DNAH6: variants seen among roughly 807,000 people sequenced by gnomAD.
DNAH6 encodes the protein axonemal beta dynein heavy chain 6.
Under a neutral mutation model 491.4 loss-of-function variants are expected in DNAH6, and 340 were observed. The observed-to-expected ratio is 0.69, with a 90% CI of 0.63 to 0.76. The LOEUF (loss-of-function observed/expected upper bound fraction) is 0.76. Among genes scored for constraint, DNAH6 ranks in the 30% least tolerant of loss-of-function variants. The pLI is 0.00. For missense variants in DNAH6, 4,443 were observed against 4,972.2 expected (o/e 0.89, Z 3.20); for synonymous variants, 1,603 against 1,686.1 (o/e 0.95, Z 1.21).
chr2:84,559,732 C>T (rs955696289), intron 11 of DNAH6, among the ~76,000 whole-genome samples: 3 of 151,966 alleles, frequency 2.0e-5, no homozygotes, highest in African/African-American at 7.2e-5. Context: ...TACTAACAGC[C>T]ATGAAGCAAA....
chr2:84,620,503 A>G (rs1687287499), intron 24 of DNAH6, among the ~76,000 whole-genome samples: 1 of 152,160 alleles, frequency 6.6e-6, no homozygotes, highest in Non-Finnish European at 1.5e-5. Context: ...GCACACACAC[A>G]CAAAGTCAAG....
chr2:84,741,929 G>A (rs953082994), intron 62 of DNAH6, among the ~76,000 whole-genome samples: 3 of 152,338 alleles, frequency 2.0e-5, no homozygotes, highest in Middle Eastern at 6.8e-3. Flanking sequence ...GAGCTCCAGG[G>A]ATTTCCCTCT....
At chr2:84,701,415 C>T (rs1031222750) in intron 49 of DNAH6, 76 bp downstream of exon 49, 1 of 1,448,586 alleles carries the variant, frequency 6.9e-7, no homozygotes, top group Non-Finnish European at 9.3e-7. Context: ...AAACTCTATG[C>T]ACTGTCTTAC....
rs949175703 is a variant in DNAH6 at position 84,733,592 on chromosome 2, A to G, written c.10342+13A>G. The G allele has an allele frequency of 2.7e-5, 42 of 1,550,020 alleles. No individual in the cohort carries two copies. In the East Asian group the frequency reaches 1.0e-3, roughly 38 times the overall value. ...TCCATACGCTTAGGTAATGTGACAA[A>G]AAGAACCTGCTGAGGAGGCTTATAA... On this transcript the variant is annotated intron_variant, in intron 62 of 76. Transcript: ENST00000389394.
At chr2:84,779,831 G>A (rs554590559) in intron 64 of DNAH6, among the ~76,000 whole-genome samples, 40 of 152,102 alleles carry the variant, frequency 2.6e-4, no homozygotes, top group African/African-American at 9.6e-4. Context: ...CTAGTCTAGT[G>A]GTAAAGAATT....
chr2:84,775,709 TC>T (rs1676053843), intron 64 of DNAH6, among the ~76,000 whole-genome samples: 1 of 152,190 alleles, frequency 6.6e-6, no homozygotes, highest in South Asian at 2.1e-4. Context: ...GTTCAGGATT[TC>T]TGTTTTTTCC....
chr2:84,722,466 G>A (rs1421801834), intron 59 of DNAH6, among the ~76,000 whole-genome samples, 159 bp from the exon 60 acceptor site: 1 of 152,160 alleles, frequency 6.6e-6, no homozygotes, highest in East Asian at 1.9e-4. Context: ...GAAGGTCACT[G>A]AGCCCTGAGA....
In DNAH6 at chr2:84,819,371, C is replaced by A. The variant is rs1680811731; in HGVS notation, c.12440C>A (p.Ala4147Asp). The A allele has an allele frequency of 6.4e-7, 1 of 1,551,178 alleles. No individual in the cohort carries two copies. ...AAGCGGTCCAAAGACTACTGGATTG[C>A]CAAGGGATCAGCTTTGCTCTGCCAG... The part of the protein sequence containing the change: ...PSKRSKDYWI[A>D]KGSALLCQLS... Residue 4147 changes from alanine to aspartate, a missense_variant, in exon 77 of 77, where the codon GCC (alanine) becomes GAC (aspartate). Physicochemically the swap from Ala to Asp is moderately radical, Grantham distance 126. Transcript: ENST00000389394.
chr2:84,713,354 G>T, intron 57 of DNAH6, 95 bp downstream of exon 57: 2 of 1,261,684 alleles, frequency 1.6e-6, no homozygotes, highest in South Asian at 3.0e-5. Flanking sequence ...GAGGGAAAGT[G>T]CTCCCCCATT....
rs1223895238 is a variant in DNAH6 at position 84,637,251 on chromosome 2, G to A, written c.4695G>A (p.Val1565=). The change falls in exon 31 of 77, where the codon GTG becomes GTA. Residue 1565 remains valine (V), a synonymous_variant. Transcript: ENST00000389394. The part of the protein sequence containing the change: ...FMFEGREIKL[V]MTCAAFITMN... ...TTGAGGGGCGGGAAATAAAGTTGGT[G>A]ATGACTTGTGCAGCCTTCATCACAA... 4.5e-6 allele frequency: 7 copies of A among 1,550,216 alleles called. No individual in the cohort carries two copies. The South Asian group carries it at 8.4e-5, about 19-fold the overall frequency.
At chr2:84,542,935 G>A (rs1227576306) in intron 4 of DNAH6, among the ~76,000 whole-genome samples, 3 of 152,176 alleles carry the variant, frequency 2.0e-5, no homozygotes, top group African/African-American at 4.8e-5. Context: ...GAGGCAGGGA[G>A]ATCACTTGAG....
In DNAH6 at chr2:84,625,003, G is replaced by A. The variant is rs1687726983; in HGVS notation, c.4455G>A (p.Leu1485=). The A allele has an allele frequency of 6.4e-7, 1 of 1,551,518 alleles. No homozygotes were observed. Among genetic ancestry groups the A allele is most frequent in the Non-Finnish European group, 8.7e-7 (1 of 1,146,896 alleles). Residue 1485 remains leucine (L), a synonymous_variant, in exon 29 of 77, where the codon CTG becomes CTA. Transcript: ENST00000389394. ...GTGKTETTKD[L]AKALAIQCVV... is the part of the protein sequence containing the mutation. ...GGAAAACAGAGACTACCAAAGATCT[G>A]GCAAAAGCTCTTGCCATCCAGTGTG...
At chr2:84,787,344 C>G in intron 68 of DNAH6, 42 bp downstream of exon 68, 9 of 1,521,180 alleles carry the variant, frequency 5.9e-6, no homozygotes, top group Non-Finnish European at 7.1e-6. Flanking sequence ...CTATGTACCA[C>G]AAAGTTGTTG....
In DNAH6 at chr2:84,624,296, G is replaced by A. The variant is rs756700279; in HGVS notation, c.4103G>A (p.Gly1368Asp). ...RLNALAAIVQ[G>D]SLPKLHRNIL... ...AATGCCCTAGCTGCAATAGTTCAAG[G>A]CAGTCTTCCTAAATTACACAGAAAC... The change falls in exon 27 of 77, where the codon GGC becomes GAC. Residue 1368 changes from glycine to aspartate, a missense_variant. Coordinates refer to ENST00000389394, the MANE Select transcript of DNAH6 (RefSeq NM_001370.2). 5.9e-5 allele frequency: 92 copies of A among 1,550,678 alleles called. No homozygotes were observed. Among genetic ancestry groups the A allele is most frequent in the South Asian group, 4.7e-4 (39 of 83,832 alleles).
chr2:84,578,322 A>T (rs1453189252), intron 13 of DNAH6, among the ~76,000 whole-genome samples: 1 of 152,178 alleles, frequency 6.6e-6, no homozygotes, highest in African/African-American at 2.4e-5. Context: ...ATTTAATTCA[A>T]TTTCAACAAG....
chr2:84,746,402 A>G (rs890032579), intron 63 of DNAH6, among the ~76,000 whole-genome samples: 3 of 152,192 alleles, frequency 2.0e-5, no homozygotes, highest in Non-Finnish European at 4.4e-5. Context: ...GAGAAAAAAA[A>G]AGTGTCATGG....
At chr2:84,631,913 C>G (rs924297813) in intron 29 of DNAH6, among the ~76,000 whole-genome samples, 20 of 152,202 alleles carry the variant, frequency 1.3e-4, no homozygotes, top group African/African-American at 4.8e-4. Flanking sequence ...AATTTTCTAA[C>G]ATAAGCCCAA....
intron 21 of DNAH6, among the ~76,000 whole-genome samples, chr2:84,610,979 T>C (rs1353567469): frequency 6.6e-6 from 1 of 152,060 alleles, no homozygotes; most frequent in Non-Finnish European, 1.5e-5. Flanking sequence ...AACCAGGAAG[T>C]GGTTGTAACA....
chr2:84,549,893 A>T lies in DNAH6; in HGVS notation c.1321A>T (p.Ile441Phe). The change falls in exon 9 of 77, where the codon ATT (isoleucine) becomes TTT (phenylalanine). Residue 441 changes from isoleucine to phenylalanine, a missense_variant. Physicochemically the swap from Ile to Phe is conservative, Grantham distance 21. This residue lies in a region of DNAH6 where 2,977 missense variants were observed against 3,296.6 expected (regional missense o/e 0.90). Coordinates refer to ENST00000389394, the MANE Select transcript of DNAH6 (RefSeq NM_001370.2). The part of the protein sequence containing the change: ...RHYCMRLTCF[I>F]RLNDYLIENT... Reference sequence around the variant, plus strand: ...TTAGTTTTTTTTCTTTTCAAGCTTTATTCGTCTAAACGACTATCTAATTGA... The same window carrying T: ...TTAGTTTTTTTTCTTTTCAAGCTTTTTTCGTCTAAACGACTATCTAATTGA... 1 of 1,586,506 alleles carries T rather than the reference A, an allele frequency of 6.3e-7. No homozygotes were observed. The highest frequency in any genetic ancestry group is 8.6e-7 in the Non-Finnish European group (1 of 1,166,150).
Sources: allele counts gnomAD v4.1 joint callset (sites outside exome capture counted in the v4.1 genomes callset), GRCh38; gene constraint gnomAD v4.1.1; regional missense constraint gnomAD v4.1.1; transcripts MANE v1.5; gene names NCBI Gene and HGNC (gene_info 2026-07-23, HGNC 2026-07-21).